The following MTERF4 variants were observed in gnomAD, a reference collection of about 807,000 sequenced individuals.
MTERF4 encodes the protein mitochondrial transcription termination factor 4.
In MTERF4, 17 loss-of-function variants were observed where a neutral mutation model predicts 22.5. That is an observed-to-expected ratio of 0.75 (90% CI 0.52 to 1.13). The LOEUF (loss-of-function observed/expected upper bound fraction) is 1.13. Among genes scored for constraint, MTERF4 ranks in the 50% most tolerant of loss-of-function variants. MTERF4 has a pLI of 0.00. For synonymous variants in MTERF4, 165 were observed against 175.3 expected (o/e 0.94, Z 0.47); for missense variants, 420 against 466.8 (o/e 0.90, Z 0.92).
intron 4 of MTERF4, among the ~76,000 whole-genome samples, chr2:241,078,057 A>G (rs1211584886): frequency 6.6e-6 from 1 of 152,214 alleles, no homozygotes; most frequent in African/African-American, 2.4e-5. Context: ...CAAAAGCCAG[A>G]AAGTAGAAAC....
the MTERF4 span, chr2:241,048,751 C>T: frequency 1.5e-5 from 24 of 1,611,138 alleles, no homozygotes; most frequent in African/African-American, 1.9e-4. Context: ...ATTCTTTGGG[C>T]TTCTCTGTGA....
chr2:241,096,822 A>T lies in MTERF4; in HGVS notation c.706-384T>A, dbSNP rs1158764182. Reference sequence around the variant, plus strand: ...CATAATTATTACCAAAAAATCGGACAACTGTTAAAATTACATTTTCAAAAT... The same window carrying T: ...CATAATTATTACCAAAAAATCGGACTACTGTTAAAATTACATTTTCAAAAT... On this transcript the variant is annotated intron_variant, in intron 3 of 3. Transcript: ENST00000391980. This position sits in a 1 kb window ranked among gnomAD's most constrained non-coding sequence, Gnocchi z 5.1. The T allele has an allele frequency of 9.4e-6, 5 of 533,396 alleles. No homozygotes were observed. Among genetic ancestry groups the T allele is most frequent in the African/African-American group, 1.9e-5 (1 of 52,340 alleles). The allele number at this position is 533,396 out of a possible 1,614,324, so 33.0% of individuals were successfully genotyped here. A position where few individuals can be genotyped will look rare whatever the true frequency, so the allele number is the denominator to read the frequency against.
downstream of MTERF4, among the ~76,000 whole-genome samples, chr2:241,067,190 G>A (rs962535266): frequency 4.6e-5 from 7 of 152,340 alleles, no homozygotes; most frequent in African/African-American, 9.6e-5. Context: ...TCCACAGACC[G>A]GGGTGCTGAG....
the MTERF4 span, chr2:241,052,340 C>T: frequency 5.1e-6 from 8 of 1,563,522 alleles, no homozygotes; most frequent in Admixed American, 1.2e-4. Flanking sequence ...CCAGGACCTT[C>T]CTGCATTCTG....
At chr2:241,055,692 C>T in the MTERF4 span, among the ~76,000 whole-genome samples, 1 of 152,208 alleles carries the variant, frequency 6.6e-6, no homozygotes, top group South Asian at 2.1e-4. Context: ...AGAGAAGCCA[C>T]AGATGCAGAG....
At chr2:241,056,391 C>T in the MTERF4 span, among the ~76,000 whole-genome samples, 7 of 152,078 alleles carry the variant, frequency 4.6e-5, no homozygotes, top group Non-Finnish European at 8.8e-5. Context: ...GCTGGGATTA[C>T]AGGCATGAAC....
the MTERF4 span, among the ~76,000 whole-genome samples, chr2:241,053,516 A>C: frequency 2.0e-5 from 3 of 152,226 alleles, no homozygotes; most frequent in Non-Finnish European, 4.4e-5. Context: ...ATCACAGTCA[A>C]CTTTGCTCTG....
At chr2:241,065,706 C>A in the MTERF4 span, 1 of 929,850 alleles carries the variant, frequency 1.1e-6, no homozygotes, top group Non-Finnish European at 1.6e-6. Context: ...CTAGTTCTTG[C>A]AGCAGCAAGA....
chr2:241,096,661 G>A lies in MTERF4; in HGVS notation c.706-223C>T, dbSNP rs2064442140. 1.4e-6 allele frequency: 1 copy of A among 695,256 alleles called. No individual in the cohort carries two copies. Among genetic ancestry groups the A allele is most frequent in the South Asian group, 1.5e-5 (1 of 66,582 alleles). 43.1% of individuals were successfully genotyped at this position (695,256 alleles called of 1,614,324 possible). On this transcript the variant is annotated intron_variant, in intron 3 of 3. Transcript: ENST00000391980. The surrounding 1 kb of genome is among the most constrained non-coding windows in gnomAD (Gnocchi z 5.1). The stretch of plus-strand genomic sequence containing the variant: ...ACATGGAGCAGGAAATAAAGGGGTG[G>A]GAGGGAAAAGGGGCAGGAGGGAGAA...
chr2:241,068,005 G>T, downstream of MTERF4: 1 of 1,475,770 alleles, frequency 6.8e-7, no homozygotes, highest in Non-Finnish European at 9.3e-7. This position sits in a 1 kb window ranked among gnomAD's most constrained non-coding sequence, Gnocchi z 5.3. Flanking sequence ...GGGGCTCGGG[G>T]ACACGGGGCC....
At chr2:241,048,914 G>C in the MTERF4 span, 1 of 1,216,918 alleles carries the variant, frequency 8.2e-7, no homozygotes, top group Non-Finnish European at 1.2e-6. Flanking sequence ...AAGAGTGCCT[G>C]AACCTGTTGG....
At chr2:241,079,411 C>CAAAAAAA (rs757361914) in intron 4 of MTERF4, among the ~76,000 whole-genome samples, 1 of 74,460 alleles carries the variant, frequency 1.3e-5, no homozygotes, top group Admixed American at 1.6e-4. Context: ...GACTCCATCT[C>CAAAAAAA]AAAAAAAAAA....
At chr2:241,048,071 T>G in the MTERF4 span, among the ~76,000 whole-genome samples, 1 of 152,216 alleles carries the variant, frequency 6.6e-6, no homozygotes, top group Non-Finnish European at 1.5e-5. Flanking sequence ...TGCTTCTTGT[T>G]CTGTCCAATC....
At chr2:241,057,648 C>A in the MTERF4 span, among the ~76,000 whole-genome samples, 1 of 151,806 alleles carries the variant, frequency 6.6e-6, no homozygotes, top group Non-Finnish European at 1.5e-5. Flanking sequence ...CATGCCACTG[C>A]CCTCCAGCCT....
downstream of MTERF4, chr2:241,090,473 G>A (rs1201468519): frequency 2.0e-6 from 3 of 1,518,346 alleles, no homozygotes; most frequent in South Asian, 1.2e-5. Flanking sequence ...GAAGAGTATA[G>A]TAAATACGTA....
downstream of MTERF4, chr2:241,094,330 G>A (rs1199365508): frequency 6.4e-6 from 3 of 470,396 alleles, no homozygotes; most frequent in Non-Finnish European, 1.3e-5. This position sits in a 1 kb window ranked among gnomAD's most constrained non-coding sequence, Gnocchi z 4.3. Context: ...GACTGCCACT[G>A]CCATCTGACT....
At chr2:241,063,529 G>A in the MTERF4 span, 4 of 1,090,012 alleles carry the variant, frequency 3.7e-6, no homozygotes, top group Admixed American at 5.9e-5. Flanking sequence ...AATCCTGGGG[G>A]CATGTGGGCG....
downstream of MTERF4, chr2:241,068,002 G>T: frequency 1.3e-6 from 2 of 1,489,538 alleles, no homozygotes; most frequent in Non-Finnish European, 9.2e-7. This position sits in a 1 kb window ranked among gnomAD's most constrained non-coding sequence, Gnocchi z 5.3. Context: ...GTGGGGGCTC[G>T]GGGACACGGG....
At chr2:241,101,335 CT>C in intron 1 of MTERF4, 1 of 328,864 alleles carries the variant, frequency 3.0e-6, no homozygotes, top group South Asian at 2.4e-5. Flanking sequence ...CAGTGAGAAT[CT>C]AAGGCGGCTG....
Sources: gnomAD v4.1 joint callset for allele counts (sites outside exome capture counted in the v4.1 genomes callset) on GRCh38, gnomAD v4.1.1 for gene constraint, Gnocchi (gnomAD v3.1) non-coding constraint, MANE v1.5 for transcripts, NCBI Gene and HGNC (gene_info 2026-07-23, HGNC 2026-07-21) for gene names.